TMPRSS15: variants seen among roughly 807,000 people sequenced by gnomAD.
TMPRSS15 encodes enteropeptidase.
In TMPRSS15, 128 loss-of-function variants were observed where a neutral mutation model predicts 125.3. The observed-to-expected ratio is 1.02, with a 90% CI of 0.89 to 1.18. TMPRSS15 has a LOEUF of 1.18. Among genes scored for constraint, TMPRSS15 ranks in the 50% most tolerant of loss-of-function variants. The pLI is 0.00. For missense variants in TMPRSS15, 1,283 were observed against 1,212.7 expected (o/e 1.06, Z -0.86); for synonymous variants, 446 against 423.2 (o/e 1.05, Z -0.66).
intron 10 of TMPRSS15, among the ~76,000 whole-genome samples, chr21:18,346,592 A>T (rs371893896): frequency 2.6e-5 from 4 of 152,182 alleles, no homozygotes; most frequent in East Asian, 1.9e-4. Flanking sequence ...AGAAGCCGTC[A>T]ATTAGCTGTA....
chr21:18,344,011 C>T lies in TMPRSS15; in HGVS notation c.1221G>A (p.Val407=). ...PTGPGGRQER[V]GLLSLPLDPT... Reference sequence around the variant, plus strand: ...GGTCCAAAGGGAGGCTTAAAAGCCCCACTCGTTCTTGTCTCCCTCCTGGTC... The same window carrying T: ...GGTCCAAAGGGAGGCTTAAAAGCCCTACTCGTTCTTGTCTCCCTCCTGGTC... Residue 407 remains valine (V), a synonymous_variant, in exon 11 of 25, where the codon GTG becomes GTA. Transcript: ENST00000284885. The T allele has an allele frequency of 1.2e-6, 2 of 1,614,018 alleles. No homozygotes were observed. The highest frequency in any genetic ancestry group is 1.7e-6 in the Non-Finnish European group (2 of 1,180,020).
intron 24 of TMPRSS15, among the ~76,000 whole-genome samples, chr21:18,270,726 ATTT>A (rs2074544989): frequency 6.6e-6 from 1 of 152,172 alleles, no homozygotes; most frequent in Non-Finnish European, 1.5e-5. Flanking sequence ...ACTAAGAAAT[ATTT>A]TTAATTTTTA....
chr21:18,317,053 T>C (rs564953745), intron 16 of TMPRSS15, among the ~76,000 whole-genome samples: 1 of 152,220 alleles, frequency 6.6e-6, no homozygotes, highest in Non-Finnish European at 1.5e-5. Flanking sequence ...TTTTGAAAAC[T>C]ATTAGTGACT....
At chr21:18,467,154 C>G (rs1372559462) in intron 1 of TMPRSS15, among the ~76,000 whole-genome samples, 1 of 152,102 alleles carries the variant, frequency 6.6e-6, no homozygotes, top group African/African-American at 2.4e-5. Context: ...CAAACTAACA[C>G]AGGAACAGAA....
chr21:18,442,230 C>G (rs2076243832), intron 1 of TMPRSS15, among the ~76,000 whole-genome samples: 1 of 152,118 alleles, frequency 6.6e-6, no homozygotes, highest in African/African-American at 2.4e-5. Flanking sequence ...ATTTCATCTG[C>G]TCTCTCCATC....
At chr21:18,288,336 C>T (rs562446934) in intron 21 of TMPRSS15, among the ~76,000 whole-genome samples, 37 of 151,992 alleles carry the variant, frequency 2.4e-4, no homozygotes, top group African/African-American at 8.7e-4. Context: ...AGAAGGATGG[C>T]GCTGTGGGAG....
chr21:18,401,477 G>C (rs1410185000), intron 1 of TMPRSS15, among the ~76,000 whole-genome samples: 1 of 152,150 alleles, frequency 6.6e-6, no homozygotes, highest in Non-Finnish European at 1.5e-5. Flanking sequence ...ATTAATGCAG[G>C]AACAGAAAAA....
At chr21:18,397,846 T>C in intron 3 of TMPRSS15, 33 bp downstream of exon 3, 1 of 1,229,866 alleles carries the variant, frequency 8.1e-7, no homozygotes, top group Non-Finnish European at 1.2e-6. Flanking sequence ...TCACTAATTT[T>C]CCATCAGTAG....
intron 7 of TMPRSS15, among the ~76,000 whole-genome samples, chr21:18,361,046 T>C (rs997875863): frequency 2.6e-5 from 4 of 152,194 alleles, no homozygotes; most frequent in Admixed American, 1.3e-4. Context: ...TCTAATACTT[T>C]GTAGAAACTA....
chr21:18,399,417 T>C (rs2076074261), intron 1 of TMPRSS15, among the ~76,000 whole-genome samples: 1 of 152,164 alleles, frequency 6.6e-6, no homozygotes, highest in Admixed American at 6.5e-5. Context: ...ATAATTGATG[T>C]AACATATTAT....
chr21:18,270,932 T>G (rs2146847079), intron 24 of TMPRSS15, among the ~76,000 whole-genome samples: 1 of 152,350 alleles, frequency 6.6e-6, no homozygotes, highest in South Asian at 2.1e-4. Flanking sequence ...TGAAGACATT[T>G]AAAGTTTTAT....
At chr21:18,374,720 G>T (rs2075826350) in intron 5 of TMPRSS15, among the ~76,000 whole-genome samples, 1 of 152,036 alleles carries the variant, frequency 6.6e-6, no homozygotes, top group Non-Finnish European at 1.5e-5. Flanking sequence ...GCAATTGTTG[G>T]ACCATGTGAA....
intron 1 of TMPRSS15, among the ~76,000 whole-genome samples, chr21:18,423,693 G>A (rs2123196326): frequency 6.6e-6 from 1 of 150,622 alleles, no homozygotes. Flanking sequence ...TGGGATGACA[G>A]GCCTGAGCCA....
chr21:18,302,828 A>G (rs1032102363), intron 18 of TMPRSS15, among the ~76,000 whole-genome samples: 1 of 152,176 alleles, frequency 6.6e-6, no homozygotes, highest in African/African-American at 2.4e-5. Flanking sequence ...GAATCTCTTC[A>G]TGGGCAACAT....
At chr21:18,310,465 CA>C (rs372759891) in intron 18 of TMPRSS15, among the ~76,000 whole-genome samples, 2,617 of 149,478 alleles carry the variant, frequency 0.018, 85 homozygotes, top group African/African-American at 0.06. Context: ...ACAACAATCA[CA>C]AAAAAAAACA....
At chr21:18,360,718 A>G (rs888094934) in intron 7 of TMPRSS15, among the ~76,000 whole-genome samples, 1 of 152,094 alleles carries the variant, frequency 6.6e-6, no homozygotes, top group African/African-American at 2.4e-5. Context: ...AGGAAGTGTG[A>G]GACCCCAGGT....
chr21:18,331,005 G>A (rs964447309), intron 14 of TMPRSS15, among the ~76,000 whole-genome samples: 28 of 149,030 alleles, frequency 1.9e-4, no homozygotes, highest in Admixed American at 1.6e-3. Context: ...CCCGGGAGGC[G>A]GAGCTTGCAG....
chr21:18,371,759 A>C (rs1246841664), intron 6 of TMPRSS15, among the ~76,000 whole-genome samples: 9 of 152,228 alleles, frequency 5.9e-5, no homozygotes, highest in African/African-American at 1.9e-4. Flanking sequence ...ATGTTGAAAG[A>C]AAAAGACTGA....
Position 18,281,132 on chromosome 21 carries a change from A to G in TMPRSS15, c.2576T>C (p.Ile859Thr). 6.2e-7 allele frequency: 1 copy of G among 1,613,920 alleles called. No individual in the cohort carries two copies. Among genetic ancestry groups the G allele is most frequent in the Non-Finnish European group, 8.5e-7 (1 of 1,179,994 alleles). ...LTSPQTVPRL[I>T]DEIVINPHYN... ...ATGAGGGTTTATGACAATTTCATCT[A>G]TTAATCGAGGGACTGTTTGAGGAGA... Residue 859 changes from isoleucine (I) to threonine (T), a missense_variant, in exon 22 of 25, where the codon ATA (isoleucine) becomes ACA (threonine). Coordinates refer to ENST00000284885, the MANE Select transcript of TMPRSS15 (RefSeq NM_002772.3).
Sources: gnomAD v4.1 joint callset for allele counts (sites outside exome capture counted in the v4.1 genomes callset) on GRCh38, gnomAD v4.1.1 for gene constraint, MANE v1.5 for transcripts, NCBI Gene and HGNC (gene_info 2026-07-23, HGNC 2026-07-21) for gene names.